The following PALS2 variants were observed in gnomAD, a reference collection of about 807,000 sequenced individuals.
PALS2 encodes protein associated with LIN7 2, MAGUK p55 family member, also known as protein PALS2.
A neutral mutation model predicts 61.6 loss-of-function variants in PALS2; 27 were observed. The ratio of observed to expected loss-of-function variants is 0.44; its 90% CI spans 0.32 to 0.60. The LOEUF is 0.60. PALS2 is among the 20% of genes least tolerant of loss of function. The pLI, the probability that PALS2 is intolerant of heterozygous loss-of-function variation, is 0.05. For missense variants in PALS2, 554 were observed against 639.4 expected (o/e 0.87, Z 1.44); for synonymous variants, 236 against 218.6 (o/e 1.08, Z -0.70).
At position 24,596,727 on chromosome 7, in the gene PALS2, G is replaced by A. The variant is rs956878286; in HGVS notation, c.-3+23134G>A. Among the ~76,000 whole-genome samples the A allele has an allele frequency of 6.6e-5, 10 of 152,240 alleles. No homozygotes were observed. The highest frequency in any genetic ancestry group is 1.7e-4 in the African/African-American group (7 of 41,546). ...TTAAAAAGGAAAAAAAGGACTCTCC[G>A]TATATCTAGCTTTCTCCTGTGTGAG... On this transcript the variant is annotated intron_variant, in intron 1 of 11. Transcript: ENST00000222644. The surrounding 1 kb of genome is among the most constrained non-coding windows in gnomAD (Gnocchi z 4.5).
Position 24,650,465 on chromosome 7 carries a change from C to G in PALS2, c.424-20C>G, listed in dbSNP as rs372292969. 1 of 1,520,908 alleles carries G rather than the reference C, an allele frequency of 6.6e-7. No homozygotes were observed. Among genetic ancestry groups the G allele is most frequent in the African/African-American group, 1.4e-5 (1 of 71,554 alleles). 94.2% of individuals were successfully genotyped at this position (1,520,908 alleles called of 1,614,324 possible). A position where few individuals can be genotyped will look rare whatever the true frequency, so the allele number is the denominator to read the frequency against. ...TTCTCCCTAATAATTAATGAGAAAT[C>G]TGTTTCTTATTTTTCATAGGGTGTG... On this transcript the variant is annotated intron_variant, in intron 4 of 11. Transcript: ENST00000222644.
chr7:24,581,420 G>C (rs1033881261), intron 1 of PALS2, among the ~76,000 whole-genome samples: 3 of 152,162 alleles, frequency 2.0e-5, no homozygotes, highest in Non-Finnish European at 2.9e-5. Flanking sequence ...GACATTCATA[G>C]GTGTCAGGAA....
intron 9 of PALS2, among the ~76,000 whole-genome samples, chr7:24,677,311 C>A (rs1420507197): frequency 6.6e-6 from 1 of 152,108 alleles, no homozygotes; most frequent in Non-Finnish European, 1.5e-5. Context: ...ATCACGTCAT[C>A]TGCAAACAGG....
chr7:24,581,342 G>C (rs1489757455), intron 1 of PALS2, among the ~76,000 whole-genome samples: 1 of 151,630 alleles, frequency 6.6e-6, no homozygotes, highest in Non-Finnish European at 1.5e-5. Flanking sequence ...AAGGCATTTA[G>C]TGCTCTCTGG....
intron 1 of PALS2, among the ~76,000 whole-genome samples, chr7:24,583,624 T>A (rs1397393371): frequency 6.7e-6 from 1 of 148,654 alleles, no homozygotes; most frequent in East Asian, 1.9e-4. Context: ...ATTCAGATCC[T>A]TTCTTTTTTT....
chr7:24,657,112 G>A (rs1272011108), intron 5 of PALS2, among the ~76,000 whole-genome samples: 23 of 152,172 alleles, frequency 1.5e-4, no homozygotes, highest in Admixed American at 1.5e-3. Flanking sequence ...TTGCATGGCT[G>A]TACCACAGTT....
In PALS2 at chr7:24,585,297, G is replaced by T. The variant is rs146278713; in HGVS notation, c.-3+11704G>T. ...ATATTGATTCTTCCTACCTATGAGCGTGGAATGTTCTTGCATTTGTTTGTA... is the reference window on the plus strand; with the variant it reads ...ATATTGATTCTTCCTACCTATGAGCTTGGAATGTTCTTGCATTTGTTTGTA... On this transcript the variant is annotated intron_variant, in intron 1 of 11. Coordinates refer to ENST00000222644, the MANE Select transcript of PALS2 (RefSeq NM_001303037.2). Among the ~76,000 whole-genome samples the T allele has an allele frequency of 1.3e-5, 2 of 150,888 alleles. 1 individual carries two copies. The highest frequency in any genetic ancestry group is 4.2e-4 in the South Asian group (2 of 4,788).
intron 1 of PALS2, among the ~76,000 whole-genome samples, chr7:24,614,956 C>G (rs12672481): frequency 0.14 from 21,920 of 151,686 alleles, 2,088 homozygotes; most frequent in East Asian, 0.48. Flanking sequence ...TCTTATCTGA[C>G]CACAATGAAA....
At chr7:24,662,073 T>A (rs1325411668) in intron 5 of PALS2, among the ~76,000 whole-genome samples, 1 of 152,190 alleles carries the variant, frequency 6.6e-6, no homozygotes, top group Non-Finnish European at 1.5e-5. Context: ...GCTTTTTAGA[T>A]CTAAAATTAT....
At chr7:24,583,629 T>C (rs1282323221) in intron 1 of PALS2, among the ~76,000 whole-genome samples, 1 of 146,350 alleles carries the variant, frequency 6.8e-6, no homozygotes, top group East Asian at 2.0e-4. Context: ...GATCCTTTCT[T>C]TTTTTTTTTT....
Position 24,680,456 on chromosome 7 carries a change from T to G in PALS2, c.1382T>G (p.Leu461Arg). ...PYVVFIAAPE[L>R]ETLRAMHKAV... is the part of the protein sequence containing the mutation. ...GTGGTATTTATTGCGGCTCCGGAGC[T>G]AGAGACGTTACGTGCCATGCACAAG... The change falls in exon 11 of 12, where the codon CTA (leucine) becomes CGA (arginine). Residue 461 changes from leucine (L) to arginine (R), a missense_variant. Physicochemically the swap from Leu to Arg is moderately radical, Grantham distance 102. Coordinates refer to ENST00000222644, the MANE Select transcript of PALS2 (RefSeq NM_001303037.2). 1.2e-6 allele frequency: 2 copies of G among 1,614,028 alleles called. No homozygotes were observed. Among genetic ancestry groups the G allele is most frequent in the Non-Finnish European group, 1.7e-6 (2 of 1,179,890 alleles).
intron 1 of PALS2, among the ~76,000 whole-genome samples, chr7:24,606,007 A>G (rs1783885979): frequency 6.6e-6 from 1 of 152,146 alleles, no homozygotes; most frequent in African/African-American, 2.4e-5. Context: ...ATCTCCTTAT[A>G]TAGAACATTT....
At chr7:24,590,037 T>G (rs1783223788) in intron 1 of PALS2, among the ~76,000 whole-genome samples, 1 of 152,038 alleles carries the variant, frequency 6.6e-6, no homozygotes, top group African/African-American at 2.4e-5. Context: ...TGGGGAGAGG[T>G]GGTATGCTAA....
chr7:24,649,407 A>G (rs1786022241), intron 3 of PALS2, among the ~76,000 whole-genome samples: 1 of 152,128 alleles, frequency 6.6e-6, no homozygotes, highest in Non-Finnish European at 1.5e-5. Context: ...GGAATATAAT[A>G]TTGTTTGATG....
chr7:24,630,814 G>A (rs1238436680), intron 2 of PALS2, among the ~76,000 whole-genome samples: 11 of 152,180 alleles, frequency 7.2e-5, no homozygotes, highest in African/African-American at 2.7e-4. Context: ...AAACCTAGCT[G>A]ACAGCACATC....
At chr7:24,640,656 G>A (rs1039864818) in intron 2 of PALS2, among the ~76,000 whole-genome samples, 2 of 152,124 alleles carry the variant, frequency 1.3e-5, no homozygotes, top group Non-Finnish European at 2.9e-5. Context: ...GAGCCGCTTA[G>A]TGTTCATTCT....
intron 1 of PALS2, among the ~76,000 whole-genome samples, chr7:24,590,545 T>G (rs1015633759): frequency 6.6e-6 from 1 of 152,114 alleles, no homozygotes; most frequent in African/African-American, 2.4e-5. Flanking sequence ...GGTGATATTT[T>G]TTTCTGCTAA....
chr7:24,581,051 T>G (rs1028135774), intron 1 of PALS2, among the ~76,000 whole-genome samples: 1 of 152,204 alleles, frequency 6.6e-6, no homozygotes, highest in African/African-American at 2.4e-5. Flanking sequence ...GCCAGACATT[T>G]GAAATCAGTA....
intron 1 of PALS2, among the ~76,000 whole-genome samples, chr7:24,592,728 A>G (rs1783345292): frequency 6.6e-6 from 1 of 152,132 alleles, no homozygotes; most frequent in Admixed American, 6.6e-5. Flanking sequence ...TACACTGTAG[A>G]TTATTAAGTA....
Sources: allele counts gnomAD v4.1 joint callset (sites outside exome capture counted in the v4.1 genomes callset), GRCh38; gene constraint gnomAD v4.1.1; non-coding constraint Gnocchi (gnomAD v3.1); transcripts MANE v1.5; gene names NCBI Gene and HGNC (gene_info 2026-07-23, HGNC 2026-07-21).